TRIM10: variants seen among roughly 807,000 people sequenced by gnomAD.
The protein encoded by TRIM10 is tripartite motif-containing protein 10.
Under a neutral mutation model 40.0 loss-of-function variants are expected in TRIM10, and 42 were observed. That is an observed-to-expected ratio of 1.05 (90% confidence interval 0.82 to 1.36). TRIM10 has a LOEUF of 1.36. Ranked by LOEUF, TRIM10 falls within the 40% of genes most tolerant of loss-of-function variation. The pLI, the probability that TRIM10 is intolerant of heterozygous loss-of-function variation, is 0.00. For synonymous variants in TRIM10, 260 were observed against 239.5 expected (o/e 1.09, Z -0.79); for missense variants, 601 against 608.3 (o/e 0.99, Z 0.13).
intron 5 of TRIM10, 140 bp downstream of exon 5, chr6:30,156,799 A>G: frequency 1.3e-6 from 1 of 749,962 alleles, no homozygotes; most frequent in Admixed American, 2.0e-5. Context: ...TTTTATAAAA[A>G]TCTGCAAATA....
chr6:30,158,078 AACTT>A (rs1228073157), intron 3 of TRIM10, among the ~76,000 whole-genome samples: 1 of 152,210 alleles, frequency 6.6e-6, no homozygotes, highest in Non-Finnish European at 1.5e-5. Context: ...AATGGTTTGC[AACTT>A]ACTTAATACT....
At position 30,156,929 on chromosome 6, in the gene TRIM10, G is replaced by GTTCTC; in HGVS notation, c.895+5_895+9dup. The GTTCTC allele has an allele frequency of 6.2e-7, 1 of 1,612,250 alleles. No homozygotes were observed. Among genetic ancestry groups the GTTCTC allele is most frequent in the Non-Finnish European group, 8.5e-7 (1 of 1,179,370 alleles). Reference sequence around the variant, plus strand: ...CACCTGCGCTCTGTGGAGGCCTGGGGTTCTCTTACCCAGAAACATCTTCAT... The same window carrying GTTCTC: ...CACCTGCGCTCTGTGGAGGCCTGGGGTTCTCTTCTCTTACCCAGAAACATCTTCAT... On this transcript the variant is annotated intron_variant, in intron 5 of 6. Transcript: ENST00000449742.
chr6:30,156,135 G>A (rs115397923), intron 5 of TRIM10, among the ~76,000 whole-genome samples: 4,119 of 152,284 alleles, frequency 0.027, 94 homozygotes, highest in Middle Eastern at 0.051. Flanking sequence ...TATCTGCTTA[G>A]TGAATAGAGA....
At chr6:30,154,584 T>C in intron 6 of TRIM10, 98 bp from the exon 7 acceptor site, 1 of 1,494,018 alleles carries the variant, frequency 6.7e-7, no homozygotes. Context: ...TTAGTGTTAT[T>C]ATTACCAAAA....
At chr6:30,163,525 T>G (rs1022586207), upstream of TRIM10, 81 of 1,051,386 alleles carry the variant, frequency 7.7e-5, no homozygotes, top group Non-Finnish European at 1.1e-4. Context: ...GTGGCTTCCC[T>G]GTGCTGGCAT....
intron 5 of TRIM10, chr6:30,156,684 C>A: frequency 1.7e-6 from 1 of 587,716 alleles, no homozygotes; most frequent in Non-Finnish European, 3.1e-6. Flanking sequence ...GCTTAATGAC[C>A]ACTAATCAGA....
chr6:30,158,982 G>T (rs1262970549), intron 2 of TRIM10, among the ~76,000 whole-genome samples, 168 bp downstream of exon 2: 1 of 152,180 alleles, frequency 6.6e-6, no homozygotes, highest in Non-Finnish European at 1.5e-5. Context: ...CCATTTTACA[G>T]ATAAGTAAAC....
chr6:30,154,522 A>C, intron 6 of TRIM10, 36 bp from the exon 7 acceptor site: 1 of 1,598,552 alleles, frequency 6.3e-7, no homozygotes, highest in Non-Finnish European at 8.5e-7. Flanking sequence ...ATGTCAGCAG[A>C]CATGCTATTA....
rs9468693 is a variant in TRIM10 at position 30,152,860 on chromosome 6, T to C, written c.*1109A>G. The stretch of plus-strand genomic sequence containing the variant: ...TCTCAATTCTTTAGACTAAAGTTCA[T>C]AGGTCATCCAACTTATGCCCTGGCC... On this transcript the variant is annotated 3_prime_UTR_variant, in exon 7 of 7. Coordinates refer to ENST00000449742, the MANE Select transcript of TRIM10 (RefSeq NM_006778.4). 17,855 of 152,224 alleles carry C rather than the reference T, an allele frequency of 0.12. 1,503 individuals are homozygous for C. The highest frequency in any genetic ancestry group is 0.22 in the African/African-American group (9,318 of 41,492). 9.4% of individuals were successfully genotyped at this position (152,224 alleles called of 1,614,324 possible).
chr6:30,154,199 T>C lies in TRIM10; in HGVS notation c.1216A>G (p.Arg406Gly). 1 of 1,611,934 alleles carries C rather than the reference T, an allele frequency of 6.2e-7. No homozygotes were observed. The highest frequency in any genetic ancestry group is 8.5e-7 in the Non-Finnish European group (1 of 1,179,190). ...LRPEEGVWAVRLAWGFVSALG... is the reference protein window; with the variant it reads ...LRPEEGVWAVGLAWGFVSALG... Reference sequence around the variant, plus strand: ...GCCGAGACGAAGCCCCAAGCCAGCCTCACAGCCCACACCCCCTCCTCTGGC... The same window carrying C: ...GCCGAGACGAAGCCCCAAGCCAGCCCCACAGCCCACACCCCCTCCTCTGGC... Residue 406 changes from arginine to glycine, a missense_variant, in exon 7 of 7, where the codon AGG becomes GGG. Coordinates refer to ENST00000449742, the MANE Select transcript of TRIM10 (RefSeq NM_006778.4).
At chr6:30,158,818 G>A (rs938668881) in intron 2 of TRIM10, among the ~76,000 whole-genome samples, 189 bp from the exon 3 acceptor site, 3 of 152,174 alleles carry the variant, frequency 2.0e-5, no homozygotes, top group Non-Finnish European at 4.4e-5. Context: ...AAAAGGGGTA[G>A]GGCTTACAGG....
chr6:30,160,706 C>T lies in TRIM10; in HGVS notation c.153G>A (p.Leu51=), dbSNP rs774022670. The change falls in exon 1 of 7, where the codon CTG becomes CTA. Residue 51 remains leucine (L), a synonymous_variant. Coordinates refer to ENST00000449742, the MANE Select transcript of TRIM10 (RefSeq NM_006778.4). ...AGAGTGGGCAAGTAGGGGACTCCTCCAGGTCTGGGCCTGGTATCTCACAGT... is the reference window on the plus strand; with the variant it reads ...AGAGTGGGCAAGTAGGGGACTCCTCTAGGTCTGGGCCTGGTATCTCACAGT... ...TRYCEIPGPD[L]EESPTCPLCK... is the part of the protein sequence containing the mutation. 14 of 1,614,214 alleles carry T rather than the reference C, an allele frequency of 8.7e-6. No individual in the cohort carries two copies. The highest frequency in any genetic ancestry group is 1.1e-5 in the Non-Finnish European group (13 of 1,180,036).
upstream of TRIM10, chr6:30,163,717 T>C: frequency 6.2e-7 from 1 of 1,607,176 alleles, no homozygotes; most frequent in Non-Finnish European, 8.5e-7. Flanking sequence ...AGGTGGTCCA[T>C]GAGCTGCCTG....
At chr6:30,162,275 CAAAA>C (rs112405006), upstream of TRIM10, among the ~76,000 whole-genome samples, 1 of 65,260 alleles carries the variant, frequency 1.5e-5, no homozygotes, top group Non-Finnish European at 3.4e-5. Context: ...GACTCCATTT[CAAAA>C]AAAAAAAAAA....
At chr6:30,162,091 C>G (rs535928301), upstream of TRIM10, among the ~76,000 whole-genome samples, 62 of 152,024 alleles carry the variant, frequency 4.1e-4, no homozygotes, top group African/African-American at 1.5e-3. Flanking sequence ...CTGGTTAACA[C>G]GGTGAAACCC....
intron 1 of TRIM10, among the ~76,000 whole-genome samples, chr6:30,159,661 G>A (rs911740364): frequency 6.6e-6 from 1 of 152,164 alleles, no homozygotes; most frequent in Admixed American, 6.5e-5. Flanking sequence ...CCTTGTTACT[G>A]AAATCAATTA....
At chr6:30,156,746 C>G (rs996956799) in intron 5 of TRIM10, 193 bp downstream of exon 5, 1 of 692,528 alleles carries the variant, frequency 1.4e-6, no homozygotes, top group Non-Finnish European at 2.6e-6. Flanking sequence ...AAATATTCAC[C>G]TTTATTCTCT....
chr6:30,155,511 A>G (rs1159295684), intron 6 of TRIM10, among the ~76,000 whole-genome samples: 4 of 150,298 alleles, frequency 2.7e-5, no homozygotes, highest in Non-Finnish European at 5.9e-5. Context: ...CTTACAAACA[A>G]TGTGACACAC....
At position 30,160,784 on chromosome 6, in the gene TRIM10, C is replaced by T. The variant is rs771822029; in HGVS notation, c.75G>A (p.Glu25=). Residue 25 remains glutamate (E), a synonymous_variant, in exon 1 of 7, where the codon GAG becomes GAA. Coordinates refer to ENST00000449742, the MANE Select transcript of TRIM10 (RefSeq NM_006778.4). The part of the protein sequence containing the change: ...NCPICQGTLR[E]PVTIDCGHNF... ...TGTGGCCGCAGTCGATAGTGACCGG[C>T]TCCCTCAGGGTACCCTGACAGATGG... 7 of 1,613,980 alleles carry T rather than the reference C, an allele frequency of 4.3e-6. No homozygotes were observed. The Admixed American group carries it at 1.0e-4, about 23-fold the overall frequency.
Sources: allele counts gnomAD v4.1 joint callset (sites outside exome capture counted in the v4.1 genomes callset), GRCh38; gene constraint gnomAD v4.1.1; transcripts MANE v1.5; gene names NCBI Gene and HGNC (gene_info 2026-07-23, HGNC 2026-07-21).